The following ZNF704 variants were observed in gnomAD, a reference collection of about 807,000 sequenced individuals.
ZNF704 encodes zinc finger protein 704, also known as glucocorticoid induced gene 1.
ZNF704 carries 10 observed loss-of-function variants against 44.7 expected under a neutral mutation model. The ratio of observed to expected loss-of-function variants is 0.22; its 90% CI spans 0.14 to 0.38. ZNF704 has a LOEUF of 0.38. Among genes scored for constraint, ZNF704 ranks in the 10% least tolerant of loss-of-function variants. The probability of loss-of-function intolerance (pLI) is 1.00; values close to 1 mark genes in which losing one functional copy is unlikely to be tolerated. For synonymous variants in ZNF704, 211 were observed against 207.6 expected (o/e 1.02, Z -0.14); for missense variants, 390 against 545.5 (o/e 0.71, Z 2.84).
At position 80,757,369 on chromosome 8, in the gene ZNF704, T is replaced by C. The variant is rs115318670; in HGVS notation, c.221+64005A>G. ...TAAAAATTTTAAAAATGGAAGCTTA[T>C]AGAATAAGGACGTAAAGAAAATATT... On this transcript the variant is annotated intron_variant, in intron 2 of 8. Transcript: ENST00000327835. Among the ~76,000 whole-genome samples, 560 of 152,156 alleles carry C rather than the reference T, an allele frequency of 3.7e-3. 5 individuals are homozygous for C. The highest frequency in any genetic ancestry group is 0.013 in the African/African-American group (535 of 41,538).
chr8:80,863,810 G>A (rs1364134147), intron 1 of ZNF704, among the ~76,000 whole-genome samples: 1 of 152,038 alleles, frequency 6.6e-6, no homozygotes. Context: ...TAGAATCCTG[G>A]TATGTTCTTT....
intron 1 of ZNF704, among the ~76,000 whole-genome samples, chr8:80,842,080 A>C (rs1808690472): frequency 6.6e-6 from 1 of 152,206 alleles, no homozygotes; most frequent in African/African-American, 2.4e-5. Flanking sequence ...CACAGGCATG[A>C]GCTACTGTGC....
chr8:80,834,119 AG>A (rs1808518159), intron 1 of ZNF704, among the ~76,000 whole-genome samples: 1 of 152,056 alleles, frequency 6.6e-6, no homozygotes, highest in South Asian at 2.1e-4. Context: ...ACTAGAGCCC[AG>A]GAAGTCAAGG....
chr8:80,630,651 C>T lies in ZNF704; in HGVS notation c.*10715G>A, dbSNP rs1339627769. The T allele has an allele frequency of 6.6e-6, 1 of 152,122 alleles. No individual in the cohort carries two copies. The highest frequency in any genetic ancestry group is 1.5e-5 in the Non-Finnish European group (1 of 68,028). The allele number at this position is 152,122 out of a possible 1,614,324, so 9.4% of individuals were successfully genotyped here. A position where few individuals can be genotyped will look rare whatever the true frequency, so the allele number is the denominator to read the frequency against. ...TTTGAAAAAATGACCGTAGGCCACT[C>T]GCAGTTGCATCTGATGATAGTCATG... On this transcript the variant is annotated 3_prime_UTR_variant, in exon 9 of 9. Transcript: ENST00000327835.
chr8:80,784,848 A>G (rs1365633185), intron 2 of ZNF704, among the ~76,000 whole-genome samples: 1 of 150,604 alleles, frequency 6.6e-6, no homozygotes, highest in Non-Finnish European at 1.5e-5. Context: ...TCTCCAAGTT[A>G]TCTTTAAACA....
chr8:80,852,393 C>A (rs895764472), intron 1 of ZNF704, among the ~76,000 whole-genome samples: 1 of 152,118 alleles, frequency 6.6e-6, no homozygotes, highest in Non-Finnish European at 1.5e-5. Flanking sequence ...AGTTTCTACC[C>A]CTTTTGACTG....
At chr8:80,723,284 A>G (rs1162465431) in intron 2 of ZNF704, among the ~76,000 whole-genome samples, 1 of 152,214 alleles carries the variant, frequency 6.6e-6, no homozygotes, top group East Asian at 1.9e-4. Context: ...TCTTCATCAG[A>G]CTTTTAATTA....
At chr8:80,848,176 T>C (rs1008045124) in intron 1 of ZNF704, among the ~76,000 whole-genome samples, 3 of 152,188 alleles carry the variant, frequency 2.0e-5, no homozygotes, top group Non-Finnish European at 4.4e-5. Flanking sequence ...GTATATAACA[T>C]TCTCAAAATG....
intron 1 of ZNF704, among the ~76,000 whole-genome samples, chr8:80,839,839 TGAGA>T (rs138328208): frequency 0.016 from 2,447 of 150,596 alleles, 67 homozygotes; most frequent in African/African-American, 0.056. Context: ...CCAGCCATAA[TGAGA>T]GAGAGAGAGA....
rs80299093 is a variant in ZNF704, at chr8:80,853,752, C to T, written c.-22+20819G>A. 5.6e-3 allele frequency among the ~76,000 whole-genome samples: 856 copies of T among 152,090 alleles called. 7 individuals are homozygous for T. The highest frequency in any genetic ancestry group is 0.019 in the African/African-American group (788 of 41,480). On this transcript the variant is annotated intron_variant, in intron 1 of 8. Transcript: ENST00000327835. ...TCTATTCATTGAAACATTTATCAAG[C>T]GCTTACTCCTAAACAAGTATTTTTA...
chr8:80,865,594 T>C (rs1369489199), intron 1 of ZNF704, among the ~76,000 whole-genome samples: 2 of 152,256 alleles, frequency 1.3e-5, no homozygotes, highest in African/African-American at 4.8e-5. Context: ...ATTTAAAATG[T>C]TGGAGCACTT....
chr8:80,748,879 G>A (rs1471512380), intron 2 of ZNF704, among the ~76,000 whole-genome samples: 2 of 152,280 alleles, frequency 1.3e-5, no homozygotes, highest in Admixed American at 6.5e-5. Flanking sequence ...TTTTTTCTGG[G>A]GAGTAGGAGA....
chr8:80,764,196 G>A (rs796391186), intron 2 of ZNF704, among the ~76,000 whole-genome samples: 6 of 152,212 alleles, frequency 3.9e-5, no homozygotes, highest in South Asian at 2.1e-4. Context: ...TATTGTATTG[G>A]TAAATACACT....
intron 1 of ZNF704, among the ~76,000 whole-genome samples, chr8:80,837,769 C>T (rs1413315886): frequency 1.3e-5 from 2 of 152,152 alleles, no homozygotes; most frequent in Non-Finnish European, 2.9e-5. Context: ...TCGAAGGAGG[C>T]CAAGCAGCTG....
rs1388191947 is a variant in ZNF704 at position 80,631,468 on chromosome 8, TCTG to T, written c.*9895_*9897del. The T allele has an allele frequency of 6.6e-6, 1 of 152,216 alleles. No individual in the cohort carries two copies. The highest frequency in any genetic ancestry group is 2.4e-5 in the African/African-American group (1 of 41,434). The allele number at this position is 152,216 out of a possible 1,614,324, so 9.4% of individuals were successfully genotyped here. ...TCCTTTTCACTTACTAAAGGCCAAT[TCTG>T]CTTTCATGCTCTGTAATTGTGGGCA... On this transcript the variant is annotated 3_prime_UTR_variant, in exon 9 of 9. Coordinates refer to ENST00000327835, the MANE Select transcript of ZNF704 (RefSeq NM_001033723.3).
intron 2 of ZNF704, among the ~76,000 whole-genome samples, chr8:80,767,749 C>T (rs1807252104): frequency 6.6e-6 from 1 of 152,154 alleles, no homozygotes; most frequent in Non-Finnish European, 1.5e-5. Context: ...CTCTTATAAG[C>T]ACCTTTACAA....
At chr8:80,697,641 T>A (rs1019099019) in intron 2 of ZNF704, among the ~76,000 whole-genome samples, 1 of 152,220 alleles carries the variant, frequency 6.6e-6, no homozygotes, top group African/African-American at 2.4e-5. Context: ...TGTTTCCTTA[T>A]CTGTAAAAGA....
chr8:80,830,753 C>CTTTCTTTTTT (rs1554585536), intron 1 of ZNF704, among the ~76,000 whole-genome samples: 35 of 89,128 alleles, frequency 3.9e-4, no homozygotes, highest in African/African-American at 6.1e-4. Context: ...GTGTTTCTTT[C>CTTTCTTTTTT]TTTTTTTTTT....
At chr8:80,656,191 C>T (rs962087778) in intron 7 of ZNF704, among the ~76,000 whole-genome samples, 2 of 152,152 alleles carry the variant, frequency 1.3e-5, no homozygotes, top group South Asian at 4.1e-4. Context: ...CGATTTCTCT[C>T]TCTCTCTCTT....
Sources: gnomAD v4.1 joint callset for allele counts (sites outside exome capture counted in the v4.1 genomes callset) on GRCh38, gnomAD v4.1.1 for gene constraint, MANE v1.5 for transcripts, NCBI Gene and HGNC (gene_info 2026-07-23, HGNC 2026-07-21) for gene names.